The following GPR137B variants were observed in gnomAD, a reference collection of about 807,000 sequenced individuals.
GPR137B encodes the protein G protein-coupled receptor 137B.
In GPR137B, 42 loss-of-function variants were observed where a neutral mutation model predicts 42.5. The observed-to-expected ratio is 0.99, with a 90% confidence interval of 0.77 to 1.28. The LOEUF is 1.28. Ranked by LOEUF, GPR137B falls within the 50% of genes most tolerant of loss-of-function variation. The pLI, the probability that GPR137B is intolerant of heterozygous loss-of-function variation, is 0.00. For missense variants in GPR137B, 487 were observed against 493.9 expected (o/e 0.99, Z 0.13); for synonymous variants, 218 against 209.7 (o/e 1.04, Z -0.34).
At chr1:236,159,621 A>C (rs1303131630) in intron 1 of GPR137B, among the ~76,000 whole-genome samples, 1 of 152,112 alleles carries the variant, frequency 6.6e-6, no homozygotes, top group Non-Finnish European at 1.5e-5. Flanking sequence ...TGCAGGAAAA[A>C]AAAAAAGAAA....
chr1:236,176,429 G>A (rs1381674906), intron 2 of GPR137B, among the ~76,000 whole-genome samples: 1 of 151,964 alleles, frequency 6.6e-6, no homozygotes, highest in South Asian at 2.1e-4. Context: ...CAAGTACTTT[G>A]TCCCTCCTCC....
In GPR137B at chr1:236,155,885, A is replaced by T. The variant is rs946404382; in HGVS notation, c.415-12821A>T. 3.3e-5 allele frequency among the ~76,000 whole-genome samples: 5 copies of T among 152,200 alleles called. No homozygotes were observed. The highest frequency in any genetic ancestry group is 1.2e-4 in the African/African-American group (5 of 41,464). ...AGGAATGCCTTGTGAGGACCAAGGT[A>T]GGGACATCCTGGGTGGGAGCTGAGC... On this transcript the variant is annotated intron_variant, in intron 1 of 6. Transcript: ENST00000366592. This position sits in a 1 kb window ranked among gnomAD's most constrained non-coding sequence, Gnocchi z 4.6.
intron 2 of GPR137B, among the ~76,000 whole-genome samples, chr1:236,177,460 T>C (rs1662720892): frequency 6.6e-6 from 1 of 152,178 alleles, no homozygotes; most frequent in African/African-American, 2.4e-5. Context: ...ACTTAGGAAG[T>C]GTGTAGCTCT....
At chr1:236,179,849 G>A in intron 3 of GPR137B, 30 bp from the exon 4 acceptor site, 1 of 1,544,592 alleles carries the variant, frequency 6.5e-7, no homozygotes, top group East Asian at 2.3e-5. Context: ...GACCTGGAGT[G>A]TCCCATACCT....
chr1:236,178,785 G>GTTTTTTTTTTGTTT, intron 3 of GPR137B, 149 bp downstream of exon 3: 1 of 48,386 alleles, frequency 2.1e-5, no homozygotes. Context: ...GCTACTCGAG[G>GTTTTTTTTTTGTTT]TTTTTTTTTT....
At chr1:236,200,708 C>A (rs1218428879) in intron 5 of GPR137B, among the ~76,000 whole-genome samples, 1 of 151,912 alleles carries the variant, frequency 6.6e-6, no homozygotes, top group Non-Finnish European at 1.5e-5. Context: ...TTTTTCCACC[C>A]CTTTACCTTA....
At chr1:236,188,703 C>A (rs1663105986) in intron 5 of GPR137B, among the ~76,000 whole-genome samples, 1 of 152,170 alleles carries the variant, frequency 6.6e-6, no homozygotes, top group Non-Finnish European at 1.5e-5. Context: ...TTTTAATGTG[C>A]TGCTGGATTC....
intron 1 of GPR137B, among the ~76,000 whole-genome samples, chr1:236,168,210 T>C (rs1217291108): frequency 6.6e-6 from 1 of 152,140 alleles, no homozygotes; most frequent in African/African-American, 2.4e-5. Flanking sequence ...GCAGATCACC[T>C]GAGGTCAGGA....
intron 2 of GPR137B, among the ~76,000 whole-genome samples, chr1:236,175,978 A>G (rs1413701559): frequency 6.6e-6 from 1 of 152,182 alleles, no homozygotes; most frequent in Non-Finnish European, 1.5e-5. Flanking sequence ...ATAGTGCAAG[A>G]TGATCCCGAC....
At chr1:236,152,627 G>A (rs1051355420) in intron 1 of GPR137B, among the ~76,000 whole-genome samples, 3 of 151,966 alleles carry the variant, frequency 2.0e-5, no homozygotes, top group South Asian at 4.2e-4. Context: ...CGTGGTGGGC[G>A]CCTGTAATCC....
At position 236,175,093 on chromosome 1, in the gene GPR137B, G is replaced by A. The variant is rs112299986; in HGVS notation, c.465-3321G>A. Among the ~76,000 whole-genome samples, 232 of 152,242 alleles carry A rather than the reference G, an allele frequency of 1.5e-3. 2 individuals carry two copies. Among genetic ancestry groups the A allele is most frequent in the African/African-American group, 5.2e-3 (217 of 41,532 alleles). ...TGTAATCCCAGCACTTTGGGAGGCC[G>A]AGACGGGAGGATCACTTGAGGTCAG... On this transcript the variant is annotated intron_variant, in intron 2 of 6. Coordinates refer to ENST00000366592, the MANE Select transcript of GPR137B (RefSeq NM_003272.4).
At chr1:236,186,550 A>G (rs1309351016) in intron 5 of GPR137B, among the ~76,000 whole-genome samples, 1 of 132,132 alleles carries the variant, frequency 7.6e-6, no homozygotes, top group East Asian at 2.1e-4. Flanking sequence ...ATGTGTTCTC[A>G]TTGTTCAATT....
chr1:236,192,082 C>T (rs1353596835), intron 5 of GPR137B, among the ~76,000 whole-genome samples: 1 of 152,204 alleles, frequency 6.6e-6, no homozygotes, highest in African/African-American at 2.4e-5. Flanking sequence ...GCCATGGGCT[C>T]TGCCCAGTTT....
intron 1 of GPR137B, among the ~76,000 whole-genome samples, chr1:236,146,282 G>A (rs998789409): frequency 1.3e-5 from 2 of 152,134 alleles, no homozygotes; most frequent in East Asian, 3.8e-4. Context: ...CACGATTTGC[G>A]GCACTGAAGG....
In GPR137B at chr1:236,208,544, G is replaced by T. The variant is rs972184162; in HGVS notation, c.*386G>T. 21 of 942,190 alleles carry T rather than the reference G, an allele frequency of 2.2e-5. No individual in the cohort carries two copies. Among genetic ancestry groups the T allele is most frequent in the African/African-American group, 5.3e-5 (3 of 56,156 alleles). The allele number at this position is 942,190 out of a possible 1,614,324, so 58.4% of individuals were successfully genotyped here. ...TCACTTTAAAAATATAGAATATATG[G>T]TCTAATAGTTTTTTAAAGCTTTTGG... On this transcript the variant is annotated 3_prime_UTR_variant, in exon 7 of 7. Coordinates refer to ENST00000366592, the MANE Select transcript of GPR137B (RefSeq NM_003272.4).
intron 1 of GPR137B, among the ~76,000 whole-genome samples, chr1:236,151,936 A>G (rs1661879584): frequency 6.6e-6 from 1 of 152,034 alleles, no homozygotes; most frequent in African/African-American, 2.4e-5. Context: ...GTGACGGTCC[A>G]TTTTTAGTGC....
intron 1 of GPR137B, among the ~76,000 whole-genome samples, chr1:236,158,951 C>T (rs1444107264): frequency 1.3e-5 from 2 of 152,196 alleles, no homozygotes; most frequent in Non-Finnish European, 2.9e-5. Flanking sequence ...GAGGTGACTT[C>T]TGTTGAGTTC....
chr1:236,196,458 T>A (rs1364475118), intron 5 of GPR137B, among the ~76,000 whole-genome samples: 2 of 152,188 alleles, frequency 1.3e-5, no homozygotes, highest in African/African-American at 2.4e-5. Flanking sequence ...ATATTATTTT[T>A]AAATTTTTGT....
intron 2 of GPR137B, 79 bp from the exon 3 acceptor site, chr1:236,178,335 A>C: frequency 1.2e-6 from 1 of 816,614 alleles, no homozygotes; most frequent in Non-Finnish European, 2.1e-6. Flanking sequence ...TGCTTCTAGC[A>C]GTTCACCAAA....
Sources: gnomAD v4.1 joint callset for allele counts (sites outside exome capture counted in the v4.1 genomes callset) on GRCh38, gnomAD v4.1.1 for gene constraint, Gnocchi (gnomAD v3.1) non-coding constraint, MANE v1.5 for transcripts, NCBI Gene and HGNC (gene_info 2026-07-23, HGNC 2026-07-21) for gene names.